Variants in ERC2 observed in about 807,000 individuals in gnomAD.
ERC2 encodes ERC protein 2.
ERC2 carries 42 observed loss-of-function variants against 114.8 expected under a neutral mutation model. That is an observed-to-expected ratio of 0.37 (90% confidence interval 0.29 to 0.47). The LOEUF (loss-of-function observed/expected upper bound fraction) is 0.47. ERC2 is among the 20% of genes least tolerant of loss of function. ERC2 has a pLI of 0.99. For synonymous variants in ERC2, 454 were observed against 425.5 expected (o/e 1.07, Z -0.82); for missense variants, 939 against 1,150.7 (o/e 0.82, Z 2.66).
chr3:56,350,750 A>G (rs1401550000), intron 2 of ERC2, among the ~76,000 whole-genome samples: 4 of 152,216 alleles, frequency 2.6e-5, no homozygotes, highest in African/African-American at 9.6e-5. Flanking sequence ...GCAGTACACT[A>G]GGATCAATAG....
chr3:55,714,667 G>GTGTGTGTA (rs2063990871), intron 15 of ERC2, among the ~76,000 whole-genome samples: 2 of 88,596 alleles, frequency 2.3e-5, no homozygotes, highest in African/African-American at 1.0e-4. Context: ...GTGTGTGTGT[G>GTGTGTGTA]TATATATATA....
chr3:55,672,625 T>G (rs1430779419), intron 17 of ERC2, among the ~76,000 whole-genome samples: 1 of 152,194 alleles, frequency 6.6e-6, no homozygotes, highest in Non-Finnish European at 1.5e-5. Flanking sequence ...AAGGGTGCTA[T>G]GTGAGTGAGA....
At chr3:56,423,653 G>A (rs557348667) in intron 2 of ERC2, among the ~76,000 whole-genome samples, 12 of 152,270 alleles carry the variant, frequency 7.9e-5, no homozygotes, top group South Asian at 4.1e-4. Context: ...ATGGCTACAC[G>A]TTGCTTCCAA....
At chr3:56,350,561 T>C (rs901561050) in intron 2 of ERC2, among the ~76,000 whole-genome samples, 11 of 152,038 alleles carry the variant, frequency 7.2e-5, no homozygotes, top group Non-Finnish European at 1.3e-4. Flanking sequence ...AGGATATATA[T>C]ATATATATAC....
At chr3:56,394,750 C>T (rs1339294951) in intron 2 of ERC2, among the ~76,000 whole-genome samples, 1 of 152,128 alleles carries the variant, frequency 6.6e-6, no homozygotes. Context: ...AACTAGAACC[C>T]TTTTACACTG....
chr3:56,135,889 G>A (rs560886585), intron 6 of ERC2, among the ~76,000 whole-genome samples: 94 of 152,270 alleles, frequency 6.2e-4, no homozygotes, highest in African/African-American at 2.2e-3. Context: ...TTCATGTGTT[G>A]GTGGATGGGG....
At chr3:55,828,476 G>GGCAGCAGGGGCAGCAGGC (rs1553694253) in intron 14 of ERC2, among the ~76,000 whole-genome samples, 24,908 of 114,916 alleles carry the variant, frequency 0.22, 2,370 homozygotes, top group African/African-American at 0.39. Context: ...GGGCAGCAGG[G>GGCAGCAGGGGCAGCAGGC]GCAGCAGGGG....
chr3:56,250,962 A>G (rs1287644895), intron 3 of ERC2, among the ~76,000 whole-genome samples: 2 of 152,226 alleles, frequency 1.3e-5, no homozygotes, highest in Non-Finnish European at 2.9e-5. Flanking sequence ...ATAAAGAGCC[A>G]ATCAAAAATT....
chr3:56,444,678 C>T (rs1399468572), intron 1 of ERC2, among the ~76,000 whole-genome samples: 1 of 152,128 alleles, frequency 6.6e-6, no homozygotes, highest in African/African-American at 2.4e-5. Flanking sequence ...CTATCATGGT[C>T]TGGAACAGTC....
chr3:55,738,774 T>G (rs988285870), intron 14 of ERC2, among the ~76,000 whole-genome samples: 6 of 152,194 alleles, frequency 3.9e-5, no homozygotes, highest in Non-Finnish European at 8.8e-5. Context: ...TTTTTAAAAT[T>G]ATTTTACTTT....
At chr3:56,359,096 A>G (rs1435026440) in intron 2 of ERC2, among the ~76,000 whole-genome samples, 3 of 152,234 alleles carry the variant, frequency 2.0e-5, no homozygotes, top group Non-Finnish European at 4.4e-5. Flanking sequence ...GCAAAAGTGT[A>G]CACATGTGCA....
chr3:56,436,985 A>G (rs2062049654), intron 1 of ERC2, among the ~76,000 whole-genome samples: 1 of 152,198 alleles, frequency 6.6e-6, no homozygotes, highest in Middle Eastern at 3.2e-3. Flanking sequence ...TTAGTTACAT[A>G]TGCCAGGTGA....
At chr3:55,812,959 C>T (rs564787380) in intron 14 of ERC2, among the ~76,000 whole-genome samples, 2 of 152,366 alleles carry the variant, frequency 1.3e-5, no homozygotes, top group Non-Finnish European at 2.9e-5. Context: ...ACCTAAGGTC[C>T]ATTTGAAAGA....
chr3:56,192,304 C>A (rs1252842937), intron 3 of ERC2, among the ~76,000 whole-genome samples: 1 of 152,172 alleles, frequency 6.6e-6, no homozygotes, highest in African/African-American at 2.4e-5. Flanking sequence ...TCTTTAAGTT[C>A]CATCCATGTT....
At chr3:56,225,021 C>CTGTCCCATG (rs1275623609) in intron 3 of ERC2, among the ~76,000 whole-genome samples, 2 of 152,068 alleles carry the variant, frequency 1.3e-5, no homozygotes, top group Non-Finnish European at 2.9e-5. Flanking sequence ...TCCCTTGTTC[C>CTGTCCCATG]CCCTGTCCAT....
In ERC2 at chr3:56,197,361, T is replaced by C. The variant is rs1186679883; in HGVS notation, c.1075-23841A>G. ...CTGATCACAGCTTTCTGAAACTACG[T>C]TAGAATACGCCTACCATAGCAAACA... is the stretch of plus-strand genomic sequence containing the variant. On this transcript the variant is annotated intron_variant, in intron 3 of 17. Transcript: ENST00000288221. Among the ~76,000 whole-genome samples the C allele has an allele frequency of 3.9e-5, 6 of 152,228 alleles. No individual in the cohort carries two copies. The East Asian group carries it at 1.2e-3, about 29-fold the overall frequency.
intron 2 of ERC2, among the ~76,000 whole-genome samples, chr3:56,319,912 C>G (rs980359797): frequency 6.6e-6 from 1 of 152,196 alleles, no homozygotes; most frequent in Non-Finnish European, 1.5e-5. Context: ...GAGATCATGA[C>G]TAAAAAATTT....
intron 14 of ERC2, among the ~76,000 whole-genome samples, chr3:55,747,320 A>G (rs1451405398): frequency 6.6e-6 from 1 of 152,006 alleles, no homozygotes; most frequent in Admixed American, 6.5e-5. Flanking sequence ...TTTTTTTTAA[A>G]GAGGTCATTT....
At chr3:56,046,130 G>A (rs1170529709) in intron 7 of ERC2, among the ~76,000 whole-genome samples, 2 of 152,122 alleles carry the variant, frequency 1.3e-5, no homozygotes, top group East Asian at 3.9e-4. Flanking sequence ...CAGAGCTCTG[G>A]AAACACTTGC....
Sources: allele counts gnomAD v4.1 joint callset (sites outside exome capture counted in the v4.1 genomes callset), GRCh38; gene constraint gnomAD v4.1.1; transcripts MANE v1.5; gene names NCBI Gene and HGNC (gene_info 2026-07-23, HGNC 2026-07-21).